SLC9D1: variants seen among roughly 807,000 people sequenced by gnomAD.
SLC9D1 encodes putative LAG1-interacting protein.
At chr13:113,542,813 C>T in the SLC9D1 span, among the ~76,000 whole-genome samples, 1 of 152,102 alleles carries the variant, frequency 6.6e-6, no homozygotes, top group Admixed American at 6.5e-5. Flanking sequence ...AATTCAAAAG[C>T]TGATTCTGAA....
chr13:113,521,600 T>C, the SLC9D1 span, among the ~76,000 whole-genome samples: 1 of 152,162 alleles, frequency 6.6e-6, no homozygotes, highest in South Asian at 2.1e-4. Context: ...TCATTGTCAC[T>C]GTCATCATCA....
chr13:113,537,673 C>T, the SLC9D1 span, among the ~76,000 whole-genome samples: 1 of 152,160 alleles, frequency 6.6e-6, no homozygotes, highest in African/African-American at 2.4e-5. Flanking sequence ...ATCCGCCTGC[C>T]CCTGGGTCGT....
chr13:113,532,475 C>T, the SLC9D1 span, among the ~76,000 whole-genome samples: 1 of 152,082 alleles, frequency 6.6e-6, no homozygotes, highest in Non-Finnish European at 1.5e-5. Context: ...TGGGTTCCAT[C>T]CCAGCGTCCA....
At chr13:113,523,950 A>G in the SLC9D1 span, among the ~76,000 whole-genome samples, 4 of 152,156 alleles carry the variant, frequency 2.6e-5, no homozygotes, top group African/African-American at 9.7e-5. Flanking sequence ...ACTGATTTGT[A>G]GTTTGAGTCC....
chr13:113,539,750 C>T, the SLC9D1 span, among the ~76,000 whole-genome samples: 16 of 151,980 alleles, frequency 1.1e-4, no homozygotes, highest in Admixed American at 7.2e-4. The surrounding 1 kb of genome is among the most constrained non-coding windows in gnomAD (Gnocchi z 4.8). Flanking sequence ...GCTCAGGGTA[C>T]GTGTGTGGGT....
the SLC9D1 span, chr13:113,520,833 A>G: frequency 1.1e-6 from 1 of 880,172 alleles, no homozygotes; most frequent in East Asian, 2.5e-5. Flanking sequence ...CTGAGCTCAG[A>G]TGGCTCAGGA....
chr13:113,501,905 G>T, the SLC9D1 span: 36 of 1,581,546 alleles, frequency 2.3e-5, no homozygotes, highest in African/African-American at 4.3e-4. Flanking sequence ...GGATTGTTTT[G>T]GTATCTGTTT....
At chr13:113,533,338 T>G in the SLC9D1 span, among the ~76,000 whole-genome samples, 1 of 152,278 alleles carries the variant, frequency 6.6e-6, no homozygotes, top group Admixed American at 6.5e-5. Flanking sequence ...CATGGCAGTT[T>G]GAGATTTGCG....
At chr13:113,501,589 C>T in the SLC9D1 span, among the ~76,000 whole-genome samples, 1 of 152,242 alleles carries the variant, frequency 6.6e-6, no homozygotes. Flanking sequence ...TTTTCAGCTT[C>T]TCTGGGATCC....
At chr13:113,547,471 C>A in the SLC9D1 span, 1 of 1,034,346 alleles carries the variant, frequency 9.7e-7, no homozygotes, top group South Asian at 1.3e-5. Context: ...CCACATCGGG[C>A]CTGCAGAGCC....
the SLC9D1 span, chr13:113,535,143 T>TTAATTTA: frequency 1.3e-5 from 2 of 152,396 alleles, no homozygotes; most frequent in South Asian, 4.1e-4. This position sits in a 1 kb window ranked among gnomAD's most constrained non-coding sequence, Gnocchi z 4.1. Context: ...ACCATGCTAC[T>TTAATTTA]CTGTCTTAAA....
the SLC9D1 span, among the ~76,000 whole-genome samples, chr13:113,516,173 A>G: frequency 1.1e-3 from 161 of 152,280 alleles, no homozygotes; most frequent in East Asian, 1.4e-3. Context: ...GTATGAAACA[A>G]GGTTAGTCTG....
the SLC9D1 span, among the ~76,000 whole-genome samples, chr13:113,524,849 T>G: frequency 6.6e-6 from 1 of 152,208 alleles, no homozygotes; most frequent in South Asian, 2.1e-4. Context: ...TCTCTGTATT[T>G]TAATTGGTAT....
chr13:113,538,871 T>C, the SLC9D1 span, among the ~76,000 whole-genome samples: 2 of 152,236 alleles, frequency 1.3e-5, no homozygotes, highest in Non-Finnish European at 2.9e-5. Context: ...CTGATGTGGC[T>C]GCAAACCTGG....
chr13:113,549,914 G>A, the SLC9D1 span: 3 of 495,046 alleles, frequency 6.1e-6, no homozygotes, highest in Non-Finnish European at 1.1e-5. Context: ...TTTTAAAAAT[G>A]TACAACTTCA....
the SLC9D1 span, among the ~76,000 whole-genome samples, chr13:113,544,541 A>T: frequency 6.6e-6 from 1 of 152,210 alleles, no homozygotes; most frequent in Non-Finnish European, 1.5e-5. Flanking sequence ...TTTACTCTTT[A>T]TCAGCAGCCG....
At chr13:113,536,271 G>C in the SLC9D1 span, among the ~76,000 whole-genome samples, 3 of 151,950 alleles carry the variant, frequency 2.0e-5, no homozygotes, top group Non-Finnish European at 4.4e-5. Context: ...CCAGACACTT[G>C]GGAGGCTGAG....
At chr13:113,496,320 A>G in the SLC9D1 span, among the ~76,000 whole-genome samples, 1 of 152,228 alleles carries the variant, frequency 6.6e-6, no homozygotes, top group African/African-American at 2.4e-5. Context: ...TCCCCTGGTA[A>G]TTCAAAAAGT....
At chr13:113,539,193 C>G in the SLC9D1 span, among the ~76,000 whole-genome samples, 1 of 152,200 alleles carries the variant, frequency 6.6e-6, no homozygotes, top group Non-Finnish European at 1.5e-5. This position sits in a 1 kb window ranked among gnomAD's most constrained non-coding sequence, Gnocchi z 4.8. Context: ...CATGTCACCT[C>G]TCAGACCCAG....
Sources: gnomAD v4.1 joint callset for allele counts (sites outside exome capture counted in the v4.1 genomes callset) on GRCh38, gnomAD v4.1.1 for gene constraint, Gnocchi (gnomAD v3.1) non-coding constraint, MANE v1.5 for transcripts, NCBI Gene and HGNC (gene_info 2026-07-23, HGNC 2026-07-21) for gene names.